Variants in IGF1R observed in about 807,000 individuals in gnomAD.
IGF1R encodes insulin-like growth factor 1 receptor.
A neutral mutation model predicts 144.6 loss-of-function variants in IGF1R; 44 were observed. That is an observed-to-expected ratio of 0.30 (90% CI 0.24 to 0.39). The LOEUF is 0.39. IGF1R is among the 10% of genes least tolerant of loss of function. The pLI, the probability that IGF1R is intolerant of heterozygous loss-of-function variation, is 1.00. For missense variants in IGF1R, 1,355 were observed against 1,833.7 expected, an observed-to-expected ratio of 0.74 and a Z score of 4.77; for synonymous variants, 795 against 722.8, an observed-to-expected ratio of 1.10 and a Z score of -1.60.
At chr15:98,786,293 T>C (rs1024174689) in intron 2 of IGF1R, among the ~76,000 whole-genome samples, 1 of 152,220 alleles carries the variant, frequency 6.6e-6, no homozygotes, top group Non-Finnish European at 1.5e-5. Context: ...GTGGTTTCCT[T>C]GGCTCATCTA....
At chr15:98,821,551 C>T (rs1197198221) in intron 2 of IGF1R, among the ~76,000 whole-genome samples, 3 of 151,994 alleles carry the variant, frequency 2.0e-5, no homozygotes, top group Admixed American at 6.6e-5. Flanking sequence ...TTGAGTGATG[C>T]GTGAGGGAGG....
chr15:98,908,997 T>G (rs2014864501), intron 6 of IGF1R, 98 bp downstream of exon 6: 1 of 1,050,562 alleles, frequency 9.5e-7, no homozygotes, highest in Admixed American at 2.0e-5. Flanking sequence ...CGGCCCCTCC[T>G]GGTTTCACAT....
intron 19 of IGF1R, among the ~76,000 whole-genome samples, chr15:98,947,149 T>C (rs1894142124): frequency 6.6e-6 from 1 of 152,156 alleles, no homozygotes. Flanking sequence ...GGCCTCTGGG[T>C]GTCTTGTACA....
At chr15:98,841,156 G>T (rs925103308) in intron 2 of IGF1R, among the ~76,000 whole-genome samples, 1 of 152,038 alleles carries the variant, frequency 6.6e-6, no homozygotes, top group Non-Finnish European at 1.5e-5. Flanking sequence ...TTCAGGGTAC[G>T]AAGAAAAAAG....
intron 2 of IGF1R, among the ~76,000 whole-genome samples, chr15:98,883,646 C>T (rs1030198536): frequency 6.6e-6 from 1 of 152,196 alleles, no homozygotes; most frequent in Non-Finnish European, 1.5e-5. Context: ...AGCATGGTGG[C>T]ACACCTGTCA....
At chr15:98,877,851 A>G (rs1343859681) in intron 2 of IGF1R, among the ~76,000 whole-genome samples, 1 of 152,180 alleles carries the variant, frequency 6.6e-6, no homozygotes, top group Non-Finnish European at 1.5e-5. Flanking sequence ...TTTATCAGAA[A>G]CATTGCATAC....
chr15:98,865,700 A>T (rs1596373401), intron 2 of IGF1R, among the ~76,000 whole-genome samples: 1 of 152,116 alleles, frequency 6.6e-6, no homozygotes, highest in East Asian at 1.9e-4. Context: ...CGTGGTCCAA[A>T]CCTCAATTTC....
intron 2 of IGF1R, among the ~76,000 whole-genome samples, chr15:98,763,779 G>A (rs1412033612): frequency 3.3e-5 from 5 of 152,150 alleles, no homozygotes; most frequent in East Asian, 1.9e-4. Flanking sequence ...ACCGAATAAA[G>A]CCTACTTCCA....
At chr15:98,784,091 C>T (rs184314669) in intron 2 of IGF1R, among the ~76,000 whole-genome samples, 502 of 151,082 alleles carry the variant, frequency 3.3e-3, no homozygotes, top group Middle Eastern at 6.8e-3. Flanking sequence ...TCTCCTGCCT[C>T]AGCCTCCCAA....
At position 98,703,214 on chromosome 15, in the gene IGF1R, G is replaced by C. The variant is rs868607032; in HGVS notation, c.95-4348G>C. Among the ~76,000 whole-genome samples the C allele has an allele frequency of 6.6e-5, 10 of 152,192 alleles. No individual in the cohort carries two copies. In the Middle Eastern group the frequency reaches 0.02, roughly 311 times the overall value. On this transcript the variant is annotated intron_variant, in intron 1 of 20. Transcript: ENST00000650285. ...CCAAAAGTTTTTGGGTTTGTTTTTGGATCATGCCAATATCGGTTGCTTTGA... is the reference window on the plus strand; with the variant it reads ...CCAAAAGTTTTTGGGTTTGTTTTTGCATCATGCCAATATCGGTTGCTTTGA...
At chr15:98,806,256 G>T (rs1042333390) in intron 2 of IGF1R, among the ~76,000 whole-genome samples, 12 of 152,128 alleles carry the variant, frequency 7.9e-5, no homozygotes, top group African/African-American at 2.7e-4. Flanking sequence ...GGTGTGGGGG[G>T]TGGCGTGGAG....
Position 98,939,231 on chromosome 15 carries a change from A to G in IGF1R, c.3328A>G (p.Ser1110Gly). 1 of 1,614,110 alleles carries G rather than the reference A, an allele frequency of 6.2e-7. No homozygotes were observed. Among genetic ancestry groups the G allele is most frequent in the African/African-American group, 1.3e-5 (1 of 75,056 alleles). The change falls in exon 18 of 21, where the codon AGC (serine) becomes GGC (glycine). Residue 1110 changes from serine (S) to glycine (G), a missense_variant. Ser to Gly is a moderately conservative substitution (Grantham distance 56, BLOSUM62 0). This residue lies in a region of IGF1R where 45 missense variants were observed against 43.5 expected (regional missense o/e 1.03). Coordinates refer to ENST00000650285, the MANE Select transcript of IGF1R (RefSeq NM_000875.5). Reference protein sequence around the residue: ...NNPVLAPPSLSKMIQMAGEIA... With the variant: ...NNPVLAPPSLGKMIQMAGEIA... ...TCCAGTCCTAGCACCTCCAAGCCTG[A>G]GCAAGATGATTCAGATGGCCGGAGA...
At chr15:98,654,277 A>G (rs73473420) in intron 1 of IGF1R, among the ~76,000 whole-genome samples, 1,657 of 152,272 alleles carry the variant, frequency 0.011, 41 homozygotes, top group African/African-American at 0.038. Flanking sequence ...TGTCTTCTTT[A>G]TAACATTGGA....
intron 1 of IGF1R, among the ~76,000 whole-genome samples, chr15:98,650,024 G>T (rs937688386): frequency 2.0e-5 from 3 of 151,852 alleles, no homozygotes; most frequent in African/African-American, 7.2e-5. Context: ...CCCGCGACCC[G>T]CACCTCGCCC....
At chr15:98,888,817 A>G (rs746158803) in intron 2 of IGF1R, among the ~76,000 whole-genome samples, 3 of 152,370 alleles carry the variant, frequency 2.0e-5, no homozygotes, top group Non-Finnish European at 4.4e-5. Context: ...TGTCTCTCAC[A>G]TCTAAAGAAG....
intron 6 of IGF1R, among the ~76,000 whole-genome samples, chr15:98,910,079 G>A (rs2014940777): frequency 1.3e-5 from 2 of 152,210 alleles, no homozygotes; most frequent in African/African-American, 4.8e-5. Context: ...TTTGGCTTTG[G>A]CTTGTTTCGC....
rs531857992 is a variant in IGF1R at position 98,938,174 on chromosome 15, G to A, written c.3298-1027G>A. ...ACGCACCACTGGGCACTTTCTGTGCGTGGCCCCAGGTCATCTTCTCGTCAG... is the reference window on the plus strand; with the variant it reads ...ACGCACCACTGGGCACTTTCTGTGCATGGCCCCAGGTCATCTTCTCGTCAG... On this transcript the variant is annotated intron_variant, in intron 17 of 20. Transcript: ENST00000650285. 6.4e-4 allele frequency among the ~76,000 whole-genome samples: 97 copies of A among 152,328 alleles called. 1 individual carries two copies. The highest frequency in any genetic ancestry group is 6.8e-3 in the Middle Eastern group (2 of 294).
chr15:98,675,826 CTTTTT>C (rs869068918), intron 1 of IGF1R, among the ~76,000 whole-genome samples: 7 of 46,150 alleles, frequency 1.5e-4, no homozygotes, highest in African/African-American at 3.4e-4. Context: ...TTCTTTCTTT[CTTTTT>C]TTTTTTTTTT....
At chr15:98,911,817 A>G (rs1456132580) in intron 7 of IGF1R, among the ~76,000 whole-genome samples, 1 of 152,148 alleles carries the variant, frequency 6.6e-6, no homozygotes, top group African/African-American at 2.4e-5. Flanking sequence ...CTTACCTACT[A>G]GGCCTACTCC....
Sources: gnomAD v4.1 joint callset for allele counts (sites outside exome capture counted in the v4.1 genomes callset) on GRCh38, gnomAD v4.1.1 for gene constraint, gnomAD v4.1.1 regional missense constraint, MANE v1.5 for transcripts, NCBI Gene and HGNC (gene_info 2026-07-23, HGNC 2026-07-21) for gene names.